GPHN: variants seen among roughly 807,000 people sequenced by gnomAD.
The protein encoded by GPHN is gephyrin.
GPHN carries 17 observed loss-of-function variants against 95.5 expected under a neutral mutation model. That is an observed-to-expected ratio of 0.18 (90% CI 0.12 to 0.27). The LOEUF is 0.27. Ranked by LOEUF, GPHN falls within the 10% of genes least tolerant of loss-of-function variation. GPHN has a pLI of 1.00. For missense variants in GPHN, 660 were observed against 978.1 expected, an observed-to-expected ratio of 0.67 and a Z score of 4.34; for synonymous variants, 320 against 322.5, an observed-to-expected ratio of 0.99 and a Z score of 0.08.
chr14:67,328,958 C>T, the GPHN span, among the ~76,000 whole-genome samples: 31 of 152,206 alleles, frequency 2.0e-4, no homozygotes, highest in East Asian at 4.4e-3. Flanking sequence ...CTTGGCAATG[C>T]AGGCTCTTTT....
intron 4 of GPHN, among the ~76,000 whole-genome samples, chr14:66,837,907 G>A (rs2061919748): frequency 6.6e-6 from 1 of 152,002 alleles, no homozygotes; most frequent in Non-Finnish European, 1.5e-5. Context: ...GAGATCATAT[G>A]TTAAATAAAC....
chr14:67,267,979 C>T, the GPHN span, among the ~76,000 whole-genome samples: 2 of 152,024 alleles, frequency 1.3e-5, no homozygotes, highest in Non-Finnish European at 2.9e-5. Context: ...TATTCATTCC[C>T]AGCTGAAGGA....
At chr14:67,669,897 C>T in the GPHN span, among the ~76,000 whole-genome samples, 113 of 152,242 alleles carry the variant, frequency 7.4e-4, no homozygotes, top group African/African-American at 2.5e-3. Context: ...CCCAGGAATT[C>T]GAGAACAGCC....
At chr14:67,203,035 A>C in the GPHN span, 1 of 1,549,902 alleles carries the variant, frequency 6.5e-7, no homozygotes, top group Non-Finnish European at 8.8e-7. Flanking sequence ...TCAGGCAAGC[A>C]AGGTTGTCAA....
chr14:67,595,415 A>G, the GPHN span, among the ~76,000 whole-genome samples: 1 of 152,240 alleles, frequency 6.6e-6, no homozygotes, highest in African/African-American at 2.4e-5. Flanking sequence ...ATCTGTATAT[A>G]GTGCAAAATC....
chr14:67,170,650 T>C (rs1415546091), intron 21 of GPHN, among the ~76,000 whole-genome samples: 1 of 152,180 alleles, frequency 6.6e-6, no homozygotes, highest in African/African-American at 2.4e-5. Context: ...TGGTGTCCAT[T>C]TCCTGTCAGC....
chr14:67,212,668 A>G, the GPHN span, among the ~76,000 whole-genome samples: 1 of 129,796 alleles, frequency 7.7e-6, no homozygotes, highest in Non-Finnish European at 1.7e-5. Flanking sequence ...ATATATTTAC[A>G]CATACATACA....
chr14:66,657,842 T>C (rs2065396989), intron 1 of GPHN, among the ~76,000 whole-genome samples: 1 of 152,206 alleles, frequency 6.6e-6, no homozygotes, highest in Non-Finnish European at 1.5e-5. Flanking sequence ...ATAATGTTGT[T>C]TTCATGGCTG....
chr14:66,602,426 G>A (rs1319598821), intron 1 of GPHN, among the ~76,000 whole-genome samples: 5 of 151,848 alleles, frequency 3.3e-5, no homozygotes, highest in Non-Finnish European at 2.9e-5. Flanking sequence ...ACTTTCTCAA[G>A]AATATATTTC....
chr14:67,672,981 A>G, the GPHN span, among the ~76,000 whole-genome samples: 5 of 152,198 alleles, frequency 3.3e-5, no homozygotes, highest in Non-Finnish European at 7.3e-5. Flanking sequence ...TTGCAGTGCT[A>G]TTCCCTCCTT....
intron 1 of GPHN, among the ~76,000 whole-genome samples, chr14:66,513,941 G>A (rs1414550342): frequency 6.6e-6 from 1 of 151,852 alleles, no homozygotes; most frequent in African/African-American, 2.4e-5. Context: ...TTTCGAAAGA[G>A]TGTAATTAAA....
chr14:67,600,987 G>T, the GPHN span, among the ~76,000 whole-genome samples: 2 of 152,238 alleles, frequency 1.3e-5, no homozygotes, highest in African/African-American at 2.4e-5. Context: ...CTTTTCCTGT[G>T]CCGGGTAGTT....
At chr14:67,176,305 G>A (rs536114337) in intron 21 of GPHN, among the ~76,000 whole-genome samples, 17 of 152,146 alleles carry the variant, frequency 1.1e-4, no homozygotes, top group South Asian at 2.1e-4. Flanking sequence ...GAGTTTTGTC[G>A]AAGGCCTTTT....
the GPHN span, chr14:67,724,563 G>A: frequency 6.2e-7 from 1 of 1,613,826 alleles, no homozygotes; most frequent in Admixed American, 1.7e-5. Context: ...GCATTGGCAA[G>A]GAGACGGCCA....
At chr14:66,993,842 A>G (rs2071593182) in intron 9 of GPHN, among the ~76,000 whole-genome samples, 1 of 152,136 alleles carries the variant, frequency 6.6e-6, no homozygotes, top group African/African-American at 2.4e-5. Flanking sequence ...ATTTACTTAT[A>G]TTAATAATAT....
intron 10 of GPHN, among the ~76,000 whole-genome samples, chr14:67,057,073 C>T (rs1016015283): frequency 6.6e-6 from 1 of 152,146 alleles, no homozygotes; most frequent in Admixed American, 6.5e-5. Context: ...CTCCACACCT[C>T]CCTGCAAGCA....
chr14:66,823,868 A>G (rs2061297622), intron 3 of GPHN, among the ~76,000 whole-genome samples: 1 of 152,238 alleles, frequency 6.6e-6, no homozygotes, highest in Non-Finnish European at 1.5e-5. Context: ...ACAATGTAAT[A>G]CCAATGCAAG....
At chr14:66,587,773 A>G (rs1156887058) in intron 1 of GPHN, among the ~76,000 whole-genome samples, 1 of 152,200 alleles carries the variant, frequency 6.6e-6, no homozygotes, top group Non-Finnish European at 1.5e-5. Context: ...TCTCCCTAGG[A>G]CAGAGCACCT....
the GPHN span, among the ~76,000 whole-genome samples, chr14:67,445,153 A>C: frequency 6.6e-6 from 1 of 152,132 alleles, no homozygotes; most frequent in Non-Finnish European, 1.5e-5. Context: ...GGCTGTCCTG[A>C]CTTGTATCCT....
Sources: gnomAD v4.1 joint callset for allele counts (sites outside exome capture counted in the v4.1 genomes callset) on GRCh38, gnomAD v4.1.1 for gene constraint, MANE v1.5 for transcripts, NCBI Gene and HGNC (gene_info 2026-07-23, HGNC 2026-07-21) for gene names.